The following DYNC1I1 variants were observed in gnomAD, a reference collection of about 807,000 sequenced individuals.
DYNC1I1 encodes dynein cytoplasmic 1 intermediate chain 1.
Under a neutral mutation model 86.6 loss-of-function variants are expected in DYNC1I1, and 43 were observed. That is an observed-to-expected ratio of 0.50 (90% CI 0.39 to 0.64). The LOEUF (loss-of-function observed/expected upper bound fraction) is 0.64. DYNC1I1 is among the 30% of genes least tolerant of loss of function. The pLI, the probability that DYNC1I1 is intolerant of heterozygous loss-of-function variation, is 0.00. For missense variants in DYNC1I1, 604 were observed against 788.8 expected (o/e 0.77, Z 2.81); for synonymous variants, 262 against 283.7 (o/e 0.92, Z 0.77).
chr7:95,995,998 T>C lies in DYNC1I1; in HGVS notation c.894T>C (p.His298=). The change falls in exon 10 of 17, where the codon CAT becomes CAC. Residue 298 remains histidine (H), a synonymous_variant. Coordinates refer to ENST00000447467, the MANE Select transcript of DYNC1I1 (RefSeq NM_001135556.2). The part of the protein sequence containing the change: ...ASYNNNEDAP[H]EPDGVALVWN... ...ACAACAACAATGAAGATGCTCCCCA[T>C]GAACCAGATGGAGTGGCCTTGGTTT... 6.2e-7 allele frequency: 1 copy of C among 1,613,144 alleles called. No homozygotes were observed. The highest frequency in any genetic ancestry group is 1.1e-5 in the South Asian group (1 of 90,894).
Position 95,873,526 on chromosome 7 carries a change from A to G in DYNC1I1, c.490+3528A>G, listed in dbSNP as rs192053806. 2.2e-4 allele frequency among the ~76,000 whole-genome samples: 34 copies of G among 152,350 alleles called. 1 individual carries two copies. In the East Asian group the frequency reaches 2.9e-3, roughly 13 times the overall value. On this transcript the variant is annotated intron_variant, in intron 6 of 16. Coordinates refer to ENST00000447467, the MANE Select transcript of DYNC1I1 (RefSeq NM_001135556.2). ...ACTTTGGAGTTTACCAGATGACTAG[A>G]CCAATAGAGACTTTCTTAAGGTAGC...
In DYNC1I1 at chr7:96,051,950, A is replaced by G. The variant is rs117930285; in HGVS notation, c.1509+12529A>G. On this transcript the variant is annotated intron_variant, in intron 14 of 16. Transcript: ENST00000447467. ...TAAGTATGGGTATATTATAAATAAT[A>G]CAATGATTAAAAAATTTATCTCTTG... Among the ~76,000 whole-genome samples the G allele has an allele frequency of 4.9e-3, 752 of 152,346 alleles. 12 individuals carry two copies. Among genetic ancestry groups the G allele is most frequent in the East Asian group, 0.04 (206 of 5,186 alleles).
At chr7:95,780,011 T>G (rs373320075) in intron 1 of DYNC1I1, among the ~76,000 whole-genome samples, 1 of 152,162 alleles carries the variant, frequency 6.6e-6, no homozygotes, top group African/African-American at 2.4e-5. Context: ...GGTGTTTTCC[T>G]TTTTGAACCC....
chr7:95,875,087 C>A (rs1292331197), intron 6 of DYNC1I1, among the ~76,000 whole-genome samples: 1 of 152,168 alleles, frequency 6.6e-6, no homozygotes, highest in African/African-American at 2.4e-5. Flanking sequence ...AGGTTACATG[C>A]CCCTGTGTCA....
At chr7:95,853,844 T>C (rs745674422) in intron 5 of DYNC1I1, among the ~76,000 whole-genome samples, 2 of 152,204 alleles carry the variant, frequency 1.3e-5, no homozygotes, top group Non-Finnish European at 2.9e-5. Flanking sequence ...TCCATATACA[T>C]TTATAAATGT....
chr7:96,073,083 C>A (rs1790216448), intron 14 of DYNC1I1, among the ~76,000 whole-genome samples: 1 of 152,174 alleles, frequency 6.6e-6, no homozygotes, highest in South Asian at 2.1e-4. Context: ...ACTTTGATAA[C>A]AAGTTCAATC....
intron 8 of DYNC1I1, among the ~76,000 whole-genome samples, chr7:95,986,526 A>G (rs973448871): frequency 7.2e-5 from 11 of 152,126 alleles, no homozygotes; most frequent in African/African-American, 2.7e-4. Flanking sequence ...TGAATCCTCC[A>G]CTGTCTACCA....
intron 6 of DYNC1I1, among the ~76,000 whole-genome samples, chr7:95,884,247 G>C (rs544078482): frequency 3.4e-4 from 52 of 152,284 alleles, no homozygotes; most frequent in Non-Finnish European, 6.3e-4. Context: ...TTCAGCAGAA[G>C]GGAGTAAGCT....
intron 6 of DYNC1I1, among the ~76,000 whole-genome samples, chr7:95,964,028 G>A (rs1274507804): frequency 6.6e-6 from 1 of 152,084 alleles, no homozygotes; most frequent in African/African-American, 2.4e-5. Flanking sequence ...TGAGCCAATG[G>A]GAAAACTTGA....
downstream of DYNC1I1, among the ~76,000 whole-genome samples, chr7:96,099,157 C>T (rs566866519): frequency 3.9e-5 from 6 of 152,180 alleles, no homozygotes; most frequent in South Asian, 2.1e-4. Flanking sequence ...ATGCAAAACG[C>T]GTGCATTATT....
intron 1 of DYNC1I1, among the ~76,000 whole-genome samples, chr7:95,799,852 G>A (rs569632272): frequency 2.6e-5 from 4 of 151,996 alleles, no homozygotes; most frequent in African/African-American, 9.7e-5. Context: ...AATGATTGCA[G>A]TGAACTTTGA....
At chr7:95,935,217 A>G (rs777556991) in intron 6 of DYNC1I1, among the ~76,000 whole-genome samples, 3 of 152,032 alleles carry the variant, frequency 2.0e-5, no homozygotes, top group Non-Finnish European at 4.4e-5. Flanking sequence ...GGTAAGTGGA[A>G]TCATGCAGTA....
At chr7:95,881,657 C>T (rs1188477761) in intron 6 of DYNC1I1, among the ~76,000 whole-genome samples, 3 of 152,196 alleles carry the variant, frequency 2.0e-5, no homozygotes, top group African/African-American at 7.2e-5. Context: ...GGGTGGCATA[C>T]TGGAGGCTCA....
intron 14 of DYNC1I1, among the ~76,000 whole-genome samples, chr7:96,072,192 G>A (rs760255492): frequency 6.6e-6 from 1 of 152,126 alleles, no homozygotes; most frequent in South Asian, 2.1e-4. Flanking sequence ...GGAGGTGACC[G>A]GTAGCCCGCT....
chr7:95,774,600 A>AAGTCAC (rs1455657482), intron 1 of DYNC1I1, among the ~76,000 whole-genome samples: 1 of 152,214 alleles, frequency 6.6e-6, no homozygotes, highest in African/African-American at 2.4e-5. Flanking sequence ...AGAGAGTAAG[A>AAGTCAC]AGTCACTTGG....
At chr7:96,086,004 A>G (rs958469679) in intron 16 of DYNC1I1, among the ~76,000 whole-genome samples, 3 of 152,198 alleles carry the variant, frequency 2.0e-5, no homozygotes, top group African/African-American at 4.8e-5. Context: ...CCATGTCTCC[A>G]TTACTGAAGA....
chr7:95,834,395 G>A (rs1789012303), intron 5 of DYNC1I1, among the ~76,000 whole-genome samples: 1 of 104,620 alleles, frequency 9.6e-6, no homozygotes, highest in African/African-American at 4.2e-5. Context: ...GAGGATTTTT[G>A]CATCAATGTT....
intron 10 of DYNC1I1, among the ~76,000 whole-genome samples, chr7:96,014,566 G>T (rs1794358126): frequency 6.6e-6 from 1 of 152,192 alleles, no homozygotes; most frequent in South Asian, 2.1e-4. Context: ...TGTGGGGCTT[G>T]ATTTAATAGA....
At chr7:95,940,906 G>GT (rs1371837784) in intron 6 of DYNC1I1, among the ~76,000 whole-genome samples, 1 of 152,166 alleles carries the variant, frequency 6.6e-6, no homozygotes. Flanking sequence ...TTTCTGCTCT[G>GT]TTTTTTCCCC....
Sources: allele counts gnomAD v4.1 joint callset (sites outside exome capture counted in the v4.1 genomes callset), GRCh38; gene constraint gnomAD v4.1.1; transcripts MANE v1.5; gene names NCBI Gene and HGNC (gene_info 2026-07-23, HGNC 2026-07-21).